EHMT1: variants seen among roughly 807,000 people sequenced by gnomAD.
The protein encoded by EHMT1 is euchromatic histone lysine methyltransferase 1, also known as histone-lysine N-methyltransferase EHMT1.
A neutral mutation model predicts 147.2 loss-of-function variants in EHMT1; 15 were observed. The observed-to-expected ratio is 0.10, with a 90% CI of 0.07 to 0.16. EHMT1 has a LOEUF of 0.16. Ranked by LOEUF, EHMT1 falls within the 10% of genes least tolerant of loss-of-function variation. The pLI is 1.00. For synonymous variants in EHMT1, 795 were observed against 709.6 expected, an observed-to-expected ratio of 1.12 and a Z score of -1.91; for missense variants, 1,587 against 1,772.4, an observed-to-expected ratio of 0.90 and a Z score of 1.88.
chr9:137,778,964 G>C lies in EHMT1; in HGVS notation c.2193-671G>C, dbSNP rs75852548. On this transcript the variant is annotated intron_variant, in intron 13 of 26. Coordinates refer to ENST00000460843, the MANE Select transcript of EHMT1 (RefSeq NM_024757.5). Reference sequence around the variant, plus strand: ...AGGCTCCCAGACTCTTAAGCGACCAGATCTTGTGGGAACTGACTGAGCGGG... The same window carrying C: ...AGGCTCCCAGACTCTTAAGCGACCACATCTTGTGGGAACTGACTGAGCGGG... Among the ~76,000 whole-genome samples the C allele has an allele frequency of 1.3e-3, 198 of 152,336 alleles. 3 individuals carry two copies. In the East Asian group the frequency reaches 0.035, roughly 27 times the overall value.
chr9:137,659,304 T>C (rs992961784), intron 1 of EHMT1, among the ~76,000 whole-genome samples: 3 of 152,098 alleles, frequency 2.0e-5, no homozygotes, highest in African/African-American at 4.8e-5. Context: ...TTGTGCTTAT[T>C]ATTTTGCAGT....
chr9:137,627,674 A>G (rs1011089925), intron 1 of EHMT1, among the ~76,000 whole-genome samples: 2 of 150,018 alleles, frequency 1.3e-5, no homozygotes, highest in African/African-American at 4.9e-5. Flanking sequence ...AGGATCCCTC[A>G]ATTTCTTGCC....
chr9:137,824,529 C>T lies in EHMT1; in HGVS notation c.3540+6391C>T, dbSNP rs143832630. ...TTCCATAGACAATTGAGAGCCCGGG[C>T]GTCAGTACAGGCCAAGGCTGCTGGA... On this transcript the variant is annotated intron_variant, in intron 25 of 26. Coordinates refer to ENST00000460843, the MANE Select transcript of EHMT1 (RefSeq NM_024757.5). 5.9e-4 allele frequency among the ~76,000 whole-genome samples: 90 copies of T among 152,104 alleles called. No individual in the cohort carries two copies. The Middle Eastern group carries it at 0.017, about 29-fold the overall frequency.
chr9:137,687,026 C>T (rs546009998), intron 1 of EHMT1, among the ~76,000 whole-genome samples: 2 of 152,238 alleles, frequency 1.3e-5, no homozygotes, highest in East Asian at 3.9e-4. Context: ...ACCGCGCTGG[C>T]CCCAACTTCA....
chr9:137,808,509 C>G (rs1241355976), intron 18 of EHMT1, among the ~76,000 whole-genome samples: 1 of 152,170 alleles, frequency 6.6e-6, no homozygotes, highest in Non-Finnish European at 1.5e-5. Context: ...TAAACCTGTT[C>G]TGGTCTGTAT....
At chr9:137,665,376 C>G (rs971885688) in intron 1 of EHMT1, among the ~76,000 whole-genome samples, 2 of 152,092 alleles carry the variant, frequency 1.3e-5, no homozygotes, top group East Asian at 3.8e-4. Context: ...CTGCTGTGCT[C>G]GAACCTGCGT....
chr9:137,621,745 T>G (rs987232387), intron 1 of EHMT1, among the ~76,000 whole-genome samples: 1 of 152,186 alleles, frequency 6.6e-6, no homozygotes, highest in Non-Finnish European at 1.5e-5. Context: ...GATCCTAGGG[T>G]TCCTTTGACT....
intron 10 of EHMT1, among the ~76,000 whole-genome samples, chr9:137,770,133 G>A (rs557771442): frequency 9.2e-5 from 14 of 152,232 alleles, no homozygotes; most frequent in South Asian, 8.3e-4. Flanking sequence ...CACTGTGCCC[G>A]GCCCACTTTA....
chr9:137,672,756 T>C (rs1940827785), intron 1 of EHMT1, among the ~76,000 whole-genome samples: 1 of 152,242 alleles, frequency 6.6e-6, no homozygotes. Flanking sequence ...TTTAATGTCT[T>C]TTTATCAACA....
intron 25 of EHMT1, among the ~76,000 whole-genome samples, chr9:137,826,690 A>G (rs1057211694): frequency 2.0e-5 from 3 of 152,224 alleles, no homozygotes; most frequent in African/African-American, 7.2e-5. Context: ...GCCGCAGCCC[A>G]GAGGAGAGGG....
intron 1 of EHMT1, among the ~76,000 whole-genome samples, chr9:137,684,952 C>T (rs932788576): frequency 1.3e-5 from 2 of 151,942 alleles, no homozygotes; most frequent in Admixed American, 6.6e-5. Flanking sequence ...TGTATTTTTC[C>T]TTTTAAAGGA....
chr9:137,799,567 C>A (rs1953272647), intron 17 of EHMT1, among the ~76,000 whole-genome samples: 1 of 152,148 alleles, frequency 6.6e-6, no homozygotes, highest in African/African-American at 2.4e-5. Flanking sequence ...CACTGGGAGT[C>A]CCTCCTGCAT....
At chr9:137,622,570 A>G (rs1226210264) in intron 1 of EHMT1, among the ~76,000 whole-genome samples, 1 of 152,174 alleles carries the variant, frequency 6.6e-6, no homozygotes, top group Non-Finnish European at 1.5e-5. Flanking sequence ...GAATTAGTGT[A>G]AGATTTAGAT....
intron 1 of EHMT1, among the ~76,000 whole-genome samples, chr9:137,672,779 A>G (rs374675294): frequency 2.0e-5 from 3 of 152,164 alleles, no homozygotes; most frequent in Admixed American, 6.5e-5. Context: ...GAGATTTTGA[A>G]TGAAATTCAG....
intron 1 of EHMT1, among the ~76,000 whole-genome samples, chr9:137,685,837 C>T (rs1942377550): frequency 6.6e-6 from 1 of 152,228 alleles, no homozygotes; most frequent in African/African-American, 2.4e-5. Context: ...TGTTGGCCAT[C>T]TTTTCATGTA....
chr9:137,654,510 T>C (rs1938227110), intron 1 of EHMT1, among the ~76,000 whole-genome samples: 1 of 152,222 alleles, frequency 6.6e-6, no homozygotes, highest in Non-Finnish European at 1.5e-5. Flanking sequence ...TCTTGATGAC[T>C]TTACCTTTGT....
At chr9:137,677,420 C>T (rs1398792951) in intron 1 of EHMT1, among the ~76,000 whole-genome samples, 1 of 152,086 alleles carries the variant, frequency 6.6e-6, no homozygotes, top group Non-Finnish European at 1.5e-5. Context: ...CAGGCGTGAG[C>T]CACCAGGACT....
chr9:137,819,928 G>T (rs1255877522), intron 25 of EHMT1: 1 of 152,102 alleles, frequency 6.6e-6, no homozygotes, highest in Non-Finnish European at 1.5e-5. Context: ...CTTTACTGTA[G>T]CCTCGTTCCC....
intron 1 of EHMT1, among the ~76,000 whole-genome samples, chr9:137,677,807 C>T (rs968982432): frequency 3.9e-5 from 6 of 151,980 alleles, no homozygotes; most frequent in African/African-American, 1.5e-4. Context: ...GCCTGTAATC[C>T]CAGCACTTTG....
Sources: allele counts gnomAD v4.1 joint callset (sites outside exome capture counted in the v4.1 genomes callset), GRCh38; gene constraint gnomAD v4.1.1; transcripts MANE v1.5; gene names NCBI Gene and HGNC (gene_info 2026-07-23, HGNC 2026-07-21).